The following THSD7A variants were observed in gnomAD, a reference collection of about 807,000 sequenced individuals.
THSD7A encodes thrombospondin type 1 domain containing 7A, also known as thrombospondin type-1 domain-containing protein 7A.
Under a neutral mutation model 231.3 loss-of-function variants are expected in THSD7A, and 96 were observed. The observed-to-expected ratio is 0.41, with a 90% CI of 0.35 to 0.49. The LOEUF (loss-of-function observed/expected upper bound fraction) is 0.49. Among genes scored for constraint, THSD7A ranks in the 20% least tolerant of loss-of-function variants. The pLI, the probability that THSD7A is intolerant of heterozygous loss-of-function variation, is 0.05. For missense variants in THSD7A, 2,290 were observed against 2,070.2 expected (o/e 1.11, Z -2.06); for synonymous variants, 940 against 743.3 (o/e 1.26, Z -4.30).
intron 1 of THSD7A, among the ~76,000 whole-genome samples, chr7:11,740,933 T>C (rs969460587): frequency 2.0e-5 from 3 of 151,976 alleles, no homozygotes; most frequent in African/African-American, 7.2e-5. Context: ...ACATGTGAAT[T>C]ACATAACGCT....
intron 6 of THSD7A, among the ~76,000 whole-genome samples, chr7:11,526,043 C>T (rs1384614990): frequency 6.6e-6 from 1 of 152,176 alleles, no homozygotes; most frequent in Non-Finnish European, 1.5e-5. Flanking sequence ...ACTTCCCTTC[C>T]TTACAGCTGT....
At chr7:11,644,398 A>T (rs1205332248) in intron 1 of THSD7A, among the ~76,000 whole-genome samples, 1 of 152,030 alleles carries the variant, frequency 6.6e-6, no homozygotes, top group Non-Finnish European at 1.5e-5. Context: ...TACAAAAATA[A>T]ATTTTGAATG....
chr7:11,674,232 T>G (rs1783540845), intron 1 of THSD7A, among the ~76,000 whole-genome samples: 1 of 151,924 alleles, frequency 6.6e-6, no homozygotes, highest in Admixed American at 6.6e-5. Context: ...GGAAATGGAT[T>G]TAGAAAGGGG....
At chr7:11,408,284 G>C (rs113414810) in intron 19 of THSD7A, among the ~76,000 whole-genome samples, 1 of 151,960 alleles carries the variant, frequency 6.6e-6, no homozygotes, top group Admixed American at 6.6e-5. Context: ...CGAGGTGGGC[G>C]GATCACCTGA....
intron 1 of THSD7A, among the ~76,000 whole-genome samples, chr7:11,706,207 T>C (rs1293888391): frequency 6.6e-6 from 1 of 151,004 alleles, no homozygotes; most frequent in Non-Finnish European, 1.5e-5. Context: ...CATTTTGTAG[T>C]TTGTACACAT....
chr7:11,381,980 C>T (rs1245805136), intron 24 of THSD7A, among the ~76,000 whole-genome samples: 1 of 152,102 alleles, frequency 6.6e-6, no homozygotes, highest in African/African-American at 2.4e-5. Flanking sequence ...TTTGGGGATG[C>T]AGGCACAGTA....
intron 1 of THSD7A, among the ~76,000 whole-genome samples, chr7:11,781,123 G>A (rs1345262453): frequency 6.7e-6 from 1 of 149,690 alleles, no homozygotes; most frequent in Non-Finnish European, 1.5e-5. Context: ...AGTATATGCT[G>A]TGCAAAACAC....
intron 1 of THSD7A, among the ~76,000 whole-genome samples, chr7:11,694,821 T>G (rs1431789188): frequency 2.0e-5 from 3 of 151,572 alleles, no homozygotes; most frequent in African/African-American, 7.3e-5. Context: ...AAATATAAAT[T>G]CATTTATATG....
At chr7:11,401,713 A>G in intron 23 of THSD7A, 82 bp downstream of exon 23, 5 of 1,384,914 alleles carry the variant, frequency 3.6e-6, no homozygotes, top group Non-Finnish European at 4.8e-6. Context: ...CACGTGGCCA[A>G]CTTTGTTTAT....
chr7:11,706,183 TGC>T (rs1444318078), intron 1 of THSD7A, among the ~76,000 whole-genome samples: 1 of 151,008 alleles, frequency 6.6e-6, no homozygotes, highest in Non-Finnish European at 1.5e-5. Context: ...TAATATGTGC[TGC>T]TACAAAGGCA....
At chr7:11,561,475 T>C (rs1790073819) in intron 4 of THSD7A, among the ~76,000 whole-genome samples, 1 of 152,234 alleles carries the variant, frequency 6.6e-6, no homozygotes, top group African/African-American at 2.4e-5. Flanking sequence ...TCTGCACTTA[T>C]ACTGATAACA....
In THSD7A at chr7:11,426,682, G is replaced by T; in HGVS notation, c.3244-11C>A. 1 of 1,561,198 alleles carries T rather than the reference G, an allele frequency of 6.4e-7. No individual in the cohort carries two copies. Among genetic ancestry groups the T allele is most frequent in the East Asian group, 2.3e-5 (1 of 43,420 alleles). On this transcript the variant is annotated splice_polypyrimidine_tract_variant and intron_variant, in intron 14 of 27. Coordinates refer to ENST00000423059, the MANE Select transcript of THSD7A (RefSeq NM_015204.3). The stretch of plus-strand genomic sequence containing the variant: ...AGTTCTTACCTGTGCCTGGAGTGGT[G>T]TTCAACAGGAATGATGAAAAGGGAG...
intron 6 of THSD7A, among the ~76,000 whole-genome samples, chr7:11,504,429 C>CA (rs1377066200): frequency 6.6e-6 from 1 of 152,090 alleles, no homozygotes; most frequent in Non-Finnish European, 1.5e-5. Context: ...CAACAAAAGT[C>CA]TGTGACATGT....
chr7:11,447,707 A>G (rs958920786), intron 11 of THSD7A, among the ~76,000 whole-genome samples: 4 of 152,162 alleles, frequency 2.6e-5, no homozygotes, highest in African/African-American at 7.2e-5. Context: ...CAGGGTTTCA[A>G]TTCATGTCAC....
chr7:11,746,669 T>C (rs1013748458), intron 1 of THSD7A, among the ~76,000 whole-genome samples: 1 of 151,824 alleles, frequency 6.6e-6, no homozygotes, highest in Admixed American at 6.6e-5. Context: ...GTATATTAGA[T>C]TAACATGACA....
At chr7:11,827,215 G>T (rs939771445) in intron 1 of THSD7A, among the ~76,000 whole-genome samples, 4 of 151,968 alleles carry the variant, frequency 2.6e-5, no homozygotes, top group African/African-American at 9.7e-5. Flanking sequence ...GAAATTCTGG[G>T]CTTTTCCTCC....
intron 22 of THSD7A, among the ~76,000 whole-genome samples, chr7:11,405,944 C>G (rs1176466416): frequency 1.3e-5 from 2 of 152,184 alleles, no homozygotes; most frequent in Admixed American, 6.5e-5. Flanking sequence ...ACATTGGCCT[C>G]TCTTTCTCTC....
At position 11,814,267 on chromosome 7, in the gene THSD7A, C is replaced by T. The variant is rs1784615994; in HGVS notation, c.190+17490G>A. Among the ~76,000 whole-genome samples, 1 of 152,128 alleles carries T rather than the reference C, an allele frequency of 6.6e-6. No individual in the cohort carries two copies. The highest frequency in any genetic ancestry group is 2.4e-5 in the African/African-American group (1 of 41,426). ...ATTGTATGCTTTAAATGGGTGATTG[C>T]ATGCTACGTGCATTCTATCAAATAA... On this transcript the variant is annotated intron_variant, in intron 1 of 27. Coordinates refer to ENST00000423059, the MANE Select transcript of THSD7A (RefSeq NM_015204.3). The surrounding 1 kb of genome is among the most constrained non-coding windows in gnomAD (Gnocchi z 5.1).
chr7:11,753,544 T>TTCTCTCTC (rs35547018), intron 1 of THSD7A, among the ~76,000 whole-genome samples: 58 of 141,820 alleles, frequency 4.1e-4, no homozygotes, highest in South Asian at 2.4e-3. Context: ...ATGCAGCCCT[T>TTCTCTCTC]TCTCTCTCTC....
Sources: allele counts gnomAD v4.1 joint callset (sites outside exome capture counted in the v4.1 genomes callset), GRCh38; gene constraint gnomAD v4.1.1; non-coding constraint Gnocchi (gnomAD v3.1); transcripts MANE v1.5; gene names NCBI Gene and HGNC (gene_info 2026-07-23, HGNC 2026-07-21).